The following MAML3 variants were observed in gnomAD, a reference collection of about 807,000 sequenced individuals.
MAML3 encodes mastermind-like protein 3.
Under a neutral mutation model 101.9 loss-of-function variants are expected in MAML3, and 27 were observed. That is an observed-to-expected ratio of 0.27 (90% CI 0.20 to 0.37). The LOEUF (loss-of-function observed/expected upper bound fraction) is 0.37. MAML3 is among the 10% of genes least tolerant of loss of function. The pLI is 1.00. For synonymous variants in MAML3, 501 were observed against 555.9 expected (o/e 0.90, Z 1.39); for missense variants, 1,316 against 1,444.9 (o/e 0.91, Z 1.45).
intron 2 of MAML3, among the ~76,000 whole-genome samples, chr4:139,745,846 C>T (rs545786240): frequency 6.6e-6 from 1 of 152,206 alleles, no homozygotes; most frequent in South Asian, 2.1e-4. Flanking sequence ...TTTTCAAAGC[C>T]CTAACAATAC....
Position 140,057,326 on chromosome 4 carries a change from A to AT in MAML3, c.468+95533dup, listed in dbSNP as rs901135924. Among the ~76,000 whole-genome samples the AT allele has an allele frequency of 3.4e-4, 52 of 151,666 alleles. 1 individual carries two copies. In the East Asian group the frequency reaches 3.5e-3, roughly 10 times the overall value. ...GGACTCCAGGAGTATTTGCCAGAAG[A>AT]TTTTTTTTTCTGAAATTACAGAAAG... is the stretch of plus-strand genomic sequence containing the variant. On this transcript the variant is annotated intron_variant, in intron 1 of 4. Coordinates refer to ENST00000509479, the MANE Select transcript of MAML3 (RefSeq NM_018717.5).
chr4:139,758,760 A>C (rs1392482403), intron 2 of MAML3, among the ~76,000 whole-genome samples: 2 of 152,212 alleles, frequency 1.3e-5, no homozygotes, highest in African/African-American at 4.8e-5. Context: ...TCTCTTCTCC[A>C]AATTCCCCCA....
chr4:139,942,064 G>T (rs1294018816), intron 1 of MAML3, among the ~76,000 whole-genome samples: 2 of 152,100 alleles, frequency 1.3e-5, no homozygotes, highest in African/African-American at 4.8e-5. Flanking sequence ...GAACCGGGAG[G>T]CGGAGGTTGC....
intron 1 of MAML3, among the ~76,000 whole-genome samples, chr4:140,125,647 A>G (rs1255412917): frequency 6.6e-6 from 1 of 152,114 alleles, no homozygotes; most frequent in East Asian, 1.9e-4. Context: ...GTAGAGAGAC[A>G]GGGTCTCTCT....
rs183761077 is a variant in MAML3 at position 139,925,779 on chromosome 4, C to T, written c.469-34812G>A. Among the ~76,000 whole-genome samples, 150 of 152,264 alleles carry T rather than the reference C, an allele frequency of 9.9e-4. 1 individual carries two copies. The highest frequency in any genetic ancestry group is 2.6e-3 in the African/African-American group (108 of 41,552). ...CTCTCTACTCTTCTGTACGTTTGAA[C>T]ATTTCTAAAATAAAAAGTTTTTTAT... is the stretch of plus-strand genomic sequence containing the variant. On this transcript the variant is annotated intron_variant, in intron 1 of 4. Transcript: ENST00000509479.
intron 2 of MAML3, among the ~76,000 whole-genome samples, chr4:139,802,701 G>C (rs955932835): frequency 1.3e-5 from 2 of 152,228 alleles, no homozygotes; most frequent in African/African-American, 4.8e-5. Context: ...ATGGATGGAT[G>C]GTAGAGTGGG....
chr4:140,072,670 CAA>C (rs11351354), intron 1 of MAML3, among the ~76,000 whole-genome samples: 94 of 111,892 alleles, frequency 8.4e-4, no homozygotes, highest in South Asian at 1.6e-3. Flanking sequence ...AACTCCGTCT[CAA>C]AAAAAAAAAA....
At chr4:139,907,544 T>C (rs1732842276) in intron 1 of MAML3, among the ~76,000 whole-genome samples, 1 of 152,198 alleles carries the variant, frequency 6.6e-6, no homozygotes, top group African/African-American at 2.4e-5. Context: ...CAATTATCTT[T>C]TATAAAAATG....
At chr4:139,889,092 T>C (rs1187760584) in intron 2 of MAML3, 5 of 642,002 alleles carry the variant, frequency 7.8e-6, no homozygotes, top group Non-Finnish European at 1.1e-5. Flanking sequence ...GAGAATTTTA[T>C]GTAATTCTTA....
At chr4:139,891,486 T>C (rs1314257531) in intron 1 of MAML3, among the ~76,000 whole-genome samples, 2 of 152,100 alleles carry the variant, frequency 1.3e-5, no homozygotes, top group Non-Finnish European at 2.9e-5. Context: ...CCCTGTTGGC[T>C]AGGCTGATCT....
chr4:139,848,684 T>TA (rs1731491032), intron 2 of MAML3, among the ~76,000 whole-genome samples: 1 of 152,216 alleles, frequency 6.6e-6, no homozygotes, highest in African/African-American at 2.4e-5. Flanking sequence ...GATATGCACT[T>TA]ACGTCTTATA....
intron 1 of MAML3, among the ~76,000 whole-genome samples, chr4:140,091,537 C>CAAAACAAAAAAAA (rs1728048886): frequency 1.4e-5 from 1 of 71,600 alleles, no homozygotes; most frequent in African/African-American, 4.7e-5. Context: ...AACAACAAAA[C>CAAAACAAAAAAAA]AAAAACAAAA....
chr4:139,846,537 G>A (rs1017578678), intron 2 of MAML3, among the ~76,000 whole-genome samples: 17 of 151,960 alleles, frequency 1.1e-4, no homozygotes, highest in African/African-American at 1.9e-4. Flanking sequence ...TTGCAGAGAC[G>A]GGGTTCTGCC....
intron 1 of MAML3, among the ~76,000 whole-genome samples, chr4:139,897,996 G>C (rs1278834421): frequency 6.6e-6 from 1 of 152,116 alleles, no homozygotes; most frequent in Non-Finnish European, 1.5e-5. Flanking sequence ...TTCTTCACCT[G>C]ACCAATTCTA....
chr4:140,049,225 C>G (rs1727229264), intron 1 of MAML3, among the ~76,000 whole-genome samples: 1 of 152,136 alleles, frequency 6.6e-6, no homozygotes, highest in Non-Finnish European at 1.5e-5. Context: ...TTCTTTCTTC[C>G]CTCTTCCTCC....
chr4:139,783,431 G>C (rs1290971090), intron 2 of MAML3, among the ~76,000 whole-genome samples: 1 of 152,242 alleles, frequency 6.6e-6, no homozygotes, highest in Non-Finnish European at 1.5e-5. Flanking sequence ...TGTGGTGGCA[G>C]CAGCAGTGAC....
At chr4:139,722,739 T>C (rs568409312) in intron 4 of MAML3, among the ~76,000 whole-genome samples, 1 of 152,302 alleles carries the variant, frequency 6.6e-6, no homozygotes, top group Non-Finnish European at 1.5e-5. Flanking sequence ...TTGAAATGTA[T>C]AATGGTGAGA....
chr4:139,966,337 T>C (rs1011067212), intron 1 of MAML3, among the ~76,000 whole-genome samples: 5 of 152,110 alleles, frequency 3.3e-5, no homozygotes, highest in African/African-American at 9.7e-5. Flanking sequence ...ACACGTTAGG[T>C]TTTAACACAT....
intron 1 of MAML3, among the ~76,000 whole-genome samples, chr4:140,120,211 T>C: frequency 7.6e-6 from 1 of 131,082 alleles, no homozygotes; most frequent in South Asian, 2.4e-4. Context: ...CACTCCAGCC[T>C]GGGCGACAGA....
Sources: gnomAD v4.1 joint callset for allele counts (sites outside exome capture counted in the v4.1 genomes callset) on GRCh38, gnomAD v4.1.1 for gene constraint, MANE v1.5 for transcripts, NCBI Gene and HGNC (gene_info 2026-07-23, HGNC 2026-07-21) for gene names.